Variants in GCSAML observed in about 807,000 individuals in gnomAD.
GCSAML encodes the protein germinal center associated signaling and motility like, also known as germinal center-associated signaling and motility-like protein.
In GCSAML, 9 loss-of-function variants were observed where a neutral mutation model predicts 13.0. The ratio of observed to expected loss-of-function variants is 0.69; its 90% CI spans 0.42 to 1.21. The LOEUF is 1.21. Among genes scored for constraint, GCSAML ranks in the 50% most tolerant of loss-of-function variants. The pLI is 0.00. For missense variants in GCSAML, 143 were observed against 153.4 expected (o/e 0.93, Z 0.36); for synonymous variants, 37 against 52.9 (o/e 0.70, Z 1.31).
At chr1:247,532,203 A>G (rs772663303) in intron 2 of GCSAML, 103 of 1,614,082 alleles carry the variant, frequency 6.4e-5, no homozygotes, top group Non-Finnish European at 7.8e-5. Flanking sequence ...AATGGGAGAT[A>G]TAGAACTGGA....
In GCSAML at chr1:247,514,758, G is replaced by A. The variant is rs1441784680; in HGVS notation, c.-263+7525G>A. Among the ~76,000 whole-genome samples, 4 of 152,162 alleles carry A rather than the reference G, an allele frequency of 2.6e-5. No homozygotes were observed. The East Asian group carries it at 5.8e-4, about 22-fold the overall frequency. On this transcript the variant is annotated intron_variant, in intron 1 of 5. Coordinates refer to the GCSAML transcript ENST00000366489. ...CACTTTATGTTTTGTTTGCTTTGTC[G>A]AAGATCAATTGACTGTATTTAGCTT...
At position 247,574,148 on chromosome 1, in the gene GCSAML, C is replaced by T. The variant is rs768929122; in HGVS notation, c.174C>T (p.Asn58=). ...QEVSSTSNQE[N]ENGSGSEEVC... is the part of the protein sequence containing the mutation. The stretch of plus-strand genomic sequence containing the variant: ...TTTCTCTTTGTGCTTGGCAGGAAAA[C>T]GAGAATGGCAGTGGTTCTGAAGAAG... Residue 58 remains asparagine (N), a synonymous_variant, in exon 5 of 5, where the codon AAC becomes AAT. Coordinates refer to ENST00000366488, the MANE Select transcript of GCSAML (RefSeq NM_145278.5). 4.5e-5 allele frequency: 73 copies of T among 1,613,640 alleles called. No individual in the cohort carries two copies. The highest frequency in any genetic ancestry group is 5.3e-5 in the African/African-American group (4 of 74,896).
rs1347221218 is a variant in GCSAML, at chr1:247,574,406, T to G, written c.*24T>G. 6.2e-7 allele frequency: 1 copy of G among 1,611,352 alleles called. No homozygotes were observed. The highest frequency in any genetic ancestry group is 8.5e-7 in the Non-Finnish European group (1 of 1,178,496). The stretch of plus-strand genomic sequence containing the variant: ...AAAATCCTCAAGCTGCTTTATCACC[T>G]TCCAGCAATGAAGACAATGCAGAAT... On this transcript the variant is annotated 3_prime_UTR_variant, in exon 5 of 5. Coordinates refer to ENST00000366488, the MANE Select transcript of GCSAML (RefSeq NM_145278.5).
In GCSAML at chr1:247,574,566, C is replaced by A; in HGVS notation, c.*184C>A. The stretch of plus-strand genomic sequence containing the variant: ...GGCATCTCTGTGGCTTAGGTGAAAT[C>A]ATAGAAATTGACACAATGACCTAAA... On this transcript the variant is annotated 3_prime_UTR_variant, in exon 5 of 5. Coordinates refer to ENST00000366488, the MANE Select transcript of GCSAML (RefSeq NM_145278.5). 1.6e-6 allele frequency: 1 copy of A among 617,662 alleles called. No homozygotes were observed. The highest frequency in any genetic ancestry group is 2.7e-6 in the Non-Finnish European group (1 of 368,016). 38.3% of individuals were successfully genotyped at this position (617,662 alleles called of 1,614,324 possible). A position where few individuals can be genotyped will look rare whatever the true frequency, so the allele number is the denominator to read the frequency against.
intron 2 of GCSAML, among the ~76,000 whole-genome samples, chr1:247,563,375 A>G (rs1010708549): frequency 1.3e-5 from 2 of 152,182 alleles, no homozygotes; most frequent in Admixed American, 6.5e-5. Context: ...TCTTAGCTTC[A>G]TGCTATATGG....
intron 1 of GCSAML, among the ~76,000 whole-genome samples, 195 bp from the exon 2 acceptor site, chr1:247,556,212 A>T (rs556966428): frequency 3.3e-4 from 50 of 152,300 alleles, no homozygotes; most frequent in African/African-American, 1.0e-3. Flanking sequence ...ATTCTGTCCC[A>T]TCAGAGTCCT....
intron 3 of GCSAML, among the ~76,000 whole-genome samples, chr1:247,564,947 A>T (rs1229875954): frequency 1.3e-5 from 2 of 152,242 alleles, no homozygotes; most frequent in African/African-American, 4.8e-5. Flanking sequence ...CATTCAGAAC[A>T]TAGGAATGAG....
chr1:247,539,545 C>T (rs151008201), intron 2 of GCSAML, among the ~76,000 whole-genome samples: 30 of 152,184 alleles, frequency 2.0e-4, no homozygotes, highest in African/African-American at 7.0e-4. Flanking sequence ...TGCTTAGCTA[C>T]GTGACCTTTA....
At chr1:247,571,483 T>G (rs967299334) in intron 4 of GCSAML, among the ~76,000 whole-genome samples, 10 of 152,204 alleles carry the variant, frequency 6.6e-5, no homozygotes, top group African/African-American at 2.4e-4. Flanking sequence ...AGATATGAAA[T>G]TCTGGGTTGA....
chr1:247,510,219 G>A (rs988653124), intron 1 of GCSAML, among the ~76,000 whole-genome samples: 1 of 152,116 alleles, frequency 6.6e-6, no homozygotes, highest in Non-Finnish European at 1.5e-5. Flanking sequence ...CTTCTTCTTG[G>A]TTTAGTCTTG....
intron 2 of GCSAML, chr1:247,531,761 G>C: frequency 3.1e-6 from 5 of 1,614,198 alleles, no homozygotes; most frequent in Non-Finnish European, 4.2e-6. Context: ...CCGTAAAACA[G>C]AGACACCACA....
upstream of GCSAML, chr1:247,549,019 C>A: frequency 6.5e-7 from 1 of 1,547,580 alleles, no homozygotes; most frequent in Non-Finnish European, 8.7e-7. Context: ...CTTTCGAGCT[C>A]TTCCTGCCTT....
chr1:247,567,197 A>G (rs1558260674), intron 4 of GCSAML, among the ~76,000 whole-genome samples: 2 of 151,730 alleles, frequency 1.3e-5, no homozygotes, highest in African/African-American at 4.8e-5. Flanking sequence ...TCTGGGATAC[A>G]TGTGCTGAAT....
chr1:247,529,889 T>C (rs1379291726), intron 2 of GCSAML: 1 of 152,178 alleles, frequency 6.6e-6, no homozygotes, highest in Non-Finnish European at 1.5e-5. Context: ...CTCCAGACTT[T>C]GAACTCAAGC....
At chr1:247,550,419 C>A (rs1472919576) in intron 1 of GCSAML, among the ~76,000 whole-genome samples, 1 of 152,052 alleles carries the variant, frequency 6.6e-6, no homozygotes, top group Non-Finnish European at 1.5e-5. Context: ...GGGTGGATCA[C>A]GAGGTCAGGA....
intron 2 of GCSAML, chr1:247,532,431 G>C (rs767916298): frequency 1.9e-6 from 3 of 1,614,062 alleles, no homozygotes; most frequent in Non-Finnish European, 2.5e-6. Context: ...CTATGAAGAG[G>C]ACAGTTTCTA....
At chr1:247,523,177 A>G (rs907943252) in intron 1 of GCSAML, among the ~76,000 whole-genome samples, 10 of 152,180 alleles carry the variant, frequency 6.6e-5, no homozygotes, top group African/African-American at 2.4e-4. Flanking sequence ...TATACACTTT[A>G]TCTCCTTTGA....
chr1:247,518,181 G>A (rs1445256902), intron 1 of GCSAML, among the ~76,000 whole-genome samples: 2 of 152,192 alleles, frequency 1.3e-5, no homozygotes, highest in Non-Finnish European at 2.9e-5. Context: ...TGGCCTGGCC[G>A]CGCCGGCTCC....
At chr1:247,567,737 C>CT (rs1668442523) in intron 4 of GCSAML, among the ~76,000 whole-genome samples, 1 of 152,172 alleles carries the variant, frequency 6.6e-6, no homozygotes, top group Non-Finnish European at 1.5e-5. Context: ...GTTCTAGATC[C>CT]TTGAGGAATT....
Sources: gnomAD v4.1 joint callset for allele counts (sites outside exome capture counted in the v4.1 genomes callset) on GRCh38, gnomAD v4.1.1 for gene constraint, MANE v1.5 for transcripts, NCBI Gene and HGNC (gene_info 2026-07-23, HGNC 2026-07-21) for gene names.